The following DPYSL2 variants were observed in gnomAD, a reference collection of about 807,000 sequenced individuals.
The protein encoded by DPYSL2 is dihydropyrimidinase like 2.
Under a neutral mutation model 69.9 loss-of-function variants are expected in DPYSL2, and 13 were observed. The observed-to-expected ratio is 0.19, with a 90% confidence interval of 0.12 to 0.30. The LOEUF is 0.30. Ranked by LOEUF, DPYSL2 falls within the 10% of genes least tolerant of loss-of-function variation. The pLI is 1.00. For missense variants in DPYSL2, 587 were observed against 918.9 expected, an observed-to-expected ratio of 0.64 and a Z score of 4.67; for synonymous variants, 326 against 359.1, an observed-to-expected ratio of 0.91 and a Z score of 1.04.
At chr8:26,579,017 CTT>C (rs1173959087) in intron 1 of DPYSL2, among the ~76,000 whole-genome samples, 1 of 152,070 alleles carries the variant, frequency 6.6e-6, no homozygotes, top group African/African-American at 2.4e-5. Context: ...GATTCGGGCT[CTT>C]TTTCACGTCT....
intron 10 of DPYSL2, among the ~76,000 whole-genome samples, chr8:26,645,047 G>A (rs1245751566): frequency 1.3e-5 from 2 of 151,804 alleles, no homozygotes; most frequent in Non-Finnish European, 2.9e-5. Flanking sequence ...TCCATTTTTT[G>A]CTACTACACA....
rs1339054123 is a variant in DPYSL2 at position 26,626,458 on chromosome 8, C to T, written c.794-159C>T. On this transcript the variant is annotated intron_variant, in intron 4 of 13. Coordinates refer to ENST00000521913, the MANE Select transcript of DPYSL2 (RefSeq NM_001197293.3). This position sits in a 1 kb window ranked among gnomAD's most constrained non-coding sequence, Gnocchi z 4.3. ...TTTACCATTCTGTGTCTCCATTTCT[C>T]TCCTCTCTCTTTCTCTGTACTGAAA... 6.6e-6 allele frequency among the ~76,000 whole-genome samples: 1 copy of T among 150,462 alleles called. No homozygotes were observed. The highest frequency in any genetic ancestry group is 1.5e-5 in the Non-Finnish European group (1 of 67,896).
chr8:26,582,175 G>T lies in DPYSL2; in HGVS notation c.443+118G>T. 5 of 763,034 alleles carry T rather than the reference G, an allele frequency of 6.6e-6. No homozygotes were observed. The highest frequency in any genetic ancestry group is 1.1e-5 in the Non-Finnish European group (5 of 469,886). 47.3% of individuals were successfully genotyped at this position (763,034 alleles called of 1,614,324 possible). On this transcript the variant is annotated intron_variant, in intron 2 of 13. Coordinates refer to ENST00000521913, the MANE Select transcript of DPYSL2 (RefSeq NM_001197293.3). This position sits in a 1 kb window ranked among gnomAD's most constrained non-coding sequence, Gnocchi z 4.1. ...GGAACATCAGAGAGTGACCAACTTA[G>T]TATCTGTTTTAAACTGGTTTTGATT...
chr8:26,649,061 T>G (rs1009440055), intron 11 of DPYSL2, among the ~76,000 whole-genome samples: 1 of 152,362 alleles, frequency 6.6e-6, no homozygotes, highest in Admixed American at 6.5e-5. Context: ...AACCTCCCTA[T>G]TCATGTGCCT....
In DPYSL2 at chr8:26,608,076, CAA is replaced by C. The variant is rs11355802; in HGVS notation, c.629-16049_629-16048del. Among the ~76,000 whole-genome samples, 429 of 73,924 alleles carry C rather than the reference CAA, an allele frequency of 5.8e-3. 2 individuals carry two copies. The highest frequency in any genetic ancestry group is 0.016 in the African/African-American group (396 of 24,258). 48.5% of individuals were successfully genotyped at this position (73,924 alleles called of 152,430 possible). A position where few individuals can be genotyped will look rare whatever the true frequency, so the allele number is the denominator to read the frequency against. ...TGGGTGACAGAGCAAGACTCCATCT[CAA>C]AAAAAAAAAAAAAAAAATTGTGGAA... is the stretch of plus-strand genomic sequence containing the variant. On this transcript the variant is annotated intron_variant, in intron 3 of 13. Transcript: ENST00000521913.
rs576739333 is a variant in DPYSL2, at chr8:26,592,919, C to A, written c.628+8936C>A. Among the ~76,000 whole-genome samples the A allele has an allele frequency of 3.3e-5, 5 of 152,246 alleles. No homozygotes were observed. In the South Asian group the frequency reaches 8.3e-4, roughly 25 times the overall value. ...TTTTTCCTCTTCCTCCCCAAGCTGA[C>A]CTTTCTCTCTTCTTAAGAAGTGATT... On this transcript the variant is annotated intron_variant, in intron 3 of 13. Transcript: ENST00000521913.
chr8:26,601,144 A>G (rs536600576), intron 3 of DPYSL2, among the ~76,000 whole-genome samples: 1 of 152,326 alleles, frequency 6.6e-6, no homozygotes, highest in East Asian at 1.9e-4. Flanking sequence ...TGTAGTTTGC[A>G]GGAACCATTG....
intron 1 of DPYSL2, among the ~76,000 whole-genome samples, chr8:26,515,013 C>T (rs1000619883): frequency 6.6e-6 from 1 of 152,196 alleles, no homozygotes; most frequent in Non-Finnish European, 1.5e-5. Flanking sequence ...GAAACCCTCC[C>T]GGGCGGCTTC....
intron 3 of DPYSL2, among the ~76,000 whole-genome samples, chr8:26,613,016 T>A (rs543450796): frequency 6.6e-6 from 1 of 152,214 alleles, no homozygotes; most frequent in Non-Finnish European, 1.5e-5. Context: ...AAACACTATG[T>A]CTATGTGAGG....
rs562823685 is a variant in DPYSL2, at chr8:26,560,095, T to C, written c.355-21874T>C. ...GGAGATAATCTGTTAAAAGAAATAA[T>C]GCAGATATGCTAAGCAGAGTTGGTT... On this transcript the variant is annotated intron_variant, in intron 1 of 13. Coordinates refer to ENST00000521913, the MANE Select transcript of DPYSL2 (RefSeq NM_001197293.3). This position sits in a 1 kb window ranked among gnomAD's most constrained non-coding sequence, Gnocchi z 4.4. Among the ~76,000 whole-genome samples the C allele has an allele frequency of 6.6e-6, 1 of 152,220 alleles. No homozygotes were observed. Among genetic ancestry groups the C allele is most frequent in the African/African-American group, 2.4e-5 (1 of 41,468 alleles).
rs1179404748 is a variant in DPYSL2, at chr8:26,583,890, A to T, written c.535A>T (p.Thr179Ser). Residue 179 changes from threonine (T) to serine (S), a missense_variant, in exon 3 of 14, where the codon ACT becomes TCT. Around this residue, in one of 3 missense-constraint regions of DPYSL2, gnomAD observed 452 missense variants for 754.3 expected, o/e 0.60. Transcript: ENST00000521913. ...GATCCCCGGAGGAATTGACGTCCAC[A>T]CTCGTTTCCAGATGCCTGATCAGGG... is the stretch of plus-strand genomic sequence containing the variant. ...MVIPGGIDVH[T>S]RFQMPDQGMT... 1.2e-6 allele frequency: 2 copies of T among 1,614,050 alleles called. No homozygotes were observed. The highest frequency in any genetic ancestry group is 1.1e-5 in the South Asian group (1 of 91,068).
intron 3 of DPYSL2, among the ~76,000 whole-genome samples, chr8:26,599,487 A>G (rs1801943834): frequency 1.3e-5 from 2 of 152,232 alleles, no homozygotes. Context: ...TAGAAATGTC[A>G]TAAGGGATTT....
At position 26,527,406 on chromosome 8, in the gene DPYSL2, G is replaced by A. The variant is rs145006576; in HGVS notation, c.354+12727G>A. ...ATCCCTTGTGGTGTAGTAATTTTTC[G>A]TAAGCTTATTTTTTTCCTTTGTATT... On this transcript the variant is annotated intron_variant, in intron 1 of 13. Coordinates refer to ENST00000521913, the MANE Select transcript of DPYSL2 (RefSeq NM_001197293.3). Among the ~76,000 whole-genome samples, 14 of 152,016 alleles carry A rather than the reference G, an allele frequency of 9.2e-5. No individual in the cohort carries two copies. In the East Asian group the frequency reaches 1.2e-3, roughly 13 times the overall value.
At chr8:26,537,261 G>T (rs535519411) in intron 1 of DPYSL2, among the ~76,000 whole-genome samples, 6 of 152,094 alleles carry the variant, frequency 3.9e-5, no homozygotes, top group African/African-American at 1.4e-4. Context: ...CTGAGGAATG[G>T]CTTTGACCCT....
rs73567651 is a variant in DPYSL2 at position 26,631,898 on chromosome 8, C to A, written c.1006-2882C>A. ...CAAGAGGGATCTGTTGTGTGTTAAA[C>A]CCTGTGTGGGTGATAAAGAGAACAA... On this transcript the variant is annotated intron_variant, in intron 7 of 13. Transcript: ENST00000521913. 4.0e-3 allele frequency among the ~76,000 whole-genome samples: 603 copies of A among 152,250 alleles called. 4 individuals are homozygous for A. Among genetic ancestry groups the A allele is most frequent in the African/African-American group, 0.014 (585 of 41,540 alleles).
intron 1 of DPYSL2, among the ~76,000 whole-genome samples, chr8:26,536,450 C>A (rs2117617904): frequency 6.6e-6 from 1 of 152,142 alleles, no homozygotes; most frequent in Admixed American, 6.5e-5. Flanking sequence ...GCGGTTGGAT[C>A]ACCTGAGGTC....
chr8:26,578,847 C>T (rs1801421224), intron 1 of DPYSL2, among the ~76,000 whole-genome samples: 1 of 151,898 alleles, frequency 6.6e-6, no homozygotes, highest in Admixed American at 6.6e-5. Flanking sequence ...CAGGGTGTAC[C>T]GGAATGGTGT....
chr8:26,599,582 C>T (rs1044440648), intron 3 of DPYSL2, among the ~76,000 whole-genome samples: 1 of 151,306 alleles, frequency 6.6e-6, no homozygotes. Flanking sequence ...TTCCCCTTCC[C>T]ACTTCCTCCT....
Position 26,655,863 on chromosome 8 carries a change from C to T in DPYSL2, c.*157C>T. On this transcript the variant is annotated 3_prime_UTR_variant, in exon 14 of 14. Coordinates refer to ENST00000521913, the MANE Select transcript of DPYSL2 (RefSeq NM_001197293.3). ...CCAGTTCATGGGGTCCCCCTTGGGG[C>T]CCCACACCCCGTCTCTCACCAAGAG... 1.7e-6 allele frequency: 1 copy of T among 589,986 alleles called. No individual in the cohort carries two copies. Among genetic ancestry groups the T allele is most frequent in the Non-Finnish European group, 2.7e-6 (1 of 364,018 alleles). The allele number at this position is 589,986 out of a possible 1,614,324, so 36.5% of individuals were successfully genotyped here. A position where few individuals can be genotyped will look rare whatever the true frequency, so the allele number is the denominator to read the frequency against.
Sources: gnomAD v4.1 joint callset for allele counts (sites outside exome capture counted in the v4.1 genomes callset) on GRCh38, gnomAD v4.1.1 for gene constraint, gnomAD v4.1.1 regional missense constraint, Gnocchi (gnomAD v3.1) non-coding constraint, MANE v1.5 for transcripts, NCBI Gene and HGNC (gene_info 2026-07-23, HGNC 2026-07-21) for gene names.